ATRNL1: variants seen among roughly 807,000 people sequenced by gnomAD.
The protein encoded by ATRNL1 is attractin-like protein 1.
Under a neutral mutation model 182.7 loss-of-function variants are expected in ATRNL1, and 95 were observed. That is an observed-to-expected ratio of 0.52 (90% CI 0.44 to 0.62). The LOEUF (loss-of-function observed/expected upper bound fraction) is 0.62. ATRNL1 is among the 20% of genes least tolerant of loss of function. The pLI, the probability that ATRNL1 is intolerant of heterozygous loss-of-function variation, is 0.00. For missense variants in ATRNL1, 1,471 were observed against 1,679.5 expected (o/e 0.88, Z 2.17); for synonymous variants, 576 against 568.3 (o/e 1.01, Z -0.19).
chr10:115,437,161 G>A (rs1205567942), intron 21 of ATRNL1, among the ~76,000 whole-genome samples: 3 of 151,936 alleles, frequency 2.0e-5, no homozygotes, highest in Non-Finnish European at 4.4e-5. Flanking sequence ...TTCGTGACTA[G>A]AAAGAACATG....
chr10:115,702,580 A>G (rs1946772502), intron 26 of ATRNL1, among the ~76,000 whole-genome samples: 1 of 151,974 alleles, frequency 6.6e-6, no homozygotes, highest in Admixed American at 6.6e-5. Context: ...CTAATCAACA[A>G]CTTCAGCGAG....
intron 20 of ATRNL1, among the ~76,000 whole-genome samples, chr10:115,420,148 A>G (rs1845585907): frequency 6.6e-6 from 1 of 151,654 alleles, no homozygotes; most frequent in African/African-American, 2.4e-5. Context: ...GGTTCCAGCA[A>G]TTCTCCTGCC....
intron 12 of ATRNL1, 122 bp from the exon 13 acceptor site, chr10:115,268,204 G>T: frequency 3.1e-6 from 2 of 647,038 alleles, no homozygotes; most frequent in Non-Finnish European, 5.5e-6. Flanking sequence ...GAAATTGAAG[G>T]TCATTTCTTT....
chr10:115,314,256 C>T (rs528046764), intron 17 of ATRNL1, among the ~76,000 whole-genome samples: 1 of 152,222 alleles, frequency 6.6e-6, no homozygotes, highest in African/African-American at 2.4e-5. Flanking sequence ...GCATGAGATC[C>T]TTACCTCTCA....
At chr10:115,232,981 C>G (rs1554900370) in intron 9 of ATRNL1, among the ~76,000 whole-genome samples, 1 of 152,096 alleles carries the variant, frequency 6.6e-6, no homozygotes, top group East Asian at 1.9e-4. Context: ...CAGGGCCATT[C>G]CCTCTTGAAA....
Position 115,496,802 on chromosome 10 carries a change from C to T in ATRNL1, c.3655-22461C>T, listed in dbSNP as rs140760197. Among the ~76,000 whole-genome samples, 52 of 152,254 alleles carry T rather than the reference C, an allele frequency of 3.4e-4. No homozygotes were observed. The East Asian group carries it at 7.0e-3, about 20-fold the overall frequency. On this transcript the variant is annotated intron_variant, in intron 24 of 28. Coordinates refer to ENST00000355044, the MANE Select transcript of ATRNL1 (RefSeq NM_207303.4). ...GGGTTCCCTTTGTAGATGACCTGCCCCTTCTCTCTAGCTCCATTTAACATT... is the reference window on the plus strand; with the variant it reads ...GGGTTCCCTTTGTAGATGACCTGCCTCTTCTCTCTAGCTCCATTTAACATT...
intron 5 of ATRNL1, among the ~76,000 whole-genome samples, chr10:115,143,935 T>C (rs545970119): frequency 1.3e-5 from 2 of 152,140 alleles, no homozygotes; most frequent in East Asian, 3.9e-4. Context: ...ATATAAATTT[T>C]GAAGGGACAC....
intron 28 of ATRNL1, among the ~76,000 whole-genome samples, chr10:115,899,761 C>CT (rs1212682769): frequency 2.0e-5 from 3 of 152,144 alleles, no homozygotes; most frequent in African/African-American, 7.2e-5. Flanking sequence ...AGTTTTTCCA[C>CT]TTTCCTGTAT....
intron 21 of ATRNL1, among the ~76,000 whole-genome samples, chr10:115,443,921 T>G (rs1846829160): frequency 6.6e-6 from 1 of 152,082 alleles, no homozygotes; most frequent in African/African-American, 2.4e-5. Context: ...CCTATTTGAG[T>G]GTATGCAACT....
At chr10:115,394,093 C>T (rs982214170) in intron 19 of ATRNL1, among the ~76,000 whole-genome samples, 1 of 151,936 alleles carries the variant, frequency 6.6e-6, no homozygotes, top group Non-Finnish European at 1.5e-5. Context: ...TTTTATTATT[C>T]TTACCAGTAG....
At chr10:115,544,075 T>C (rs1554992896) in intron 25 of ATRNL1, among the ~76,000 whole-genome samples, 1 of 152,058 alleles carries the variant, frequency 6.6e-6, no homozygotes, top group Non-Finnish European at 1.5e-5. Flanking sequence ...TTTTGCATAA[T>C]GTGATAGGAA....
intron 26 of ATRNL1, among the ~76,000 whole-genome samples, chr10:115,598,619 C>A (rs1856416282): frequency 6.6e-6 from 1 of 151,828 alleles, no homozygotes; most frequent in Non-Finnish European, 1.5e-5. Context: ...GCCTCAGCCT[C>A]TCAAAGTAAA....
At chr10:115,703,499 T>C (rs2134000704) in intron 26 of ATRNL1, among the ~76,000 whole-genome samples, 1 of 151,932 alleles carries the variant, frequency 6.6e-6, no homozygotes, top group African/African-American at 2.4e-5. Flanking sequence ...ATGACAGTGG[T>C]TACCTCTGGA....
chr10:115,725,976 C>T (rs1177754341), intron 26 of ATRNL1, among the ~76,000 whole-genome samples: 1 of 152,142 alleles, frequency 6.6e-6, no homozygotes, highest in Non-Finnish European at 1.5e-5. Context: ...ATGTGATCTA[C>T]AAACTTAAAT....
chr10:115,370,295 A>G (rs781982108), intron 19 of ATRNL1, among the ~76,000 whole-genome samples: 1 of 152,234 alleles, frequency 6.6e-6, no homozygotes, highest in African/African-American at 2.4e-5. Context: ...CTGAAAAGAT[A>G]CCTGAAAATG....
chr10:115,247,609 T>C (rs1554904397), intron 10 of ATRNL1, among the ~76,000 whole-genome samples: 2 of 152,168 alleles, frequency 1.3e-5, no homozygotes, highest in South Asian at 2.1e-4. Flanking sequence ...TGGAGAATAG[T>C]ATGGAGGTTC....
rs1554924627 is a variant in ATRNL1, at chr10:115,301,912, G to A, written c.2687G>A (p.Cys896Tyr). 1 of 1,613,962 alleles carries A rather than the reference G, an allele frequency of 6.2e-7. No individual in the cohort carries two copies. The highest frequency in any genetic ancestry group is 8.5e-7 in the Non-Finnish European group (1 of 1,179,884). Reference protein sequence around the residue: ...CKKPCSLRTSCSNCTSNGMEC... With the variant: ...CKKPCSLRTSYSNCTSNGMEC... ...AAGCCATGCTCTCTGAGGACATCATGTTCCAACTGTACAAGCAATGGCATG... is the reference window on the plus strand; with the variant it reads ...AAGCCATGCTCTCTGAGGACATCATATTCCAACTGTACAAGCAATGGCATG... The change falls in exon 17 of 29, where the codon TGT becomes TAT. Residue 896 changes from cysteine to tyrosine, a missense_variant. Around this residue, in one of 3 missense-constraint regions of ATRNL1, gnomAD observed 1,031 missense variants for 1,156.0 expected, o/e 0.89. Coordinates refer to ENST00000355044, the MANE Select transcript of ATRNL1 (RefSeq NM_207303.4).
intron 21 of ATRNL1, among the ~76,000 whole-genome samples, chr10:115,435,685 G>A (rs1464152428): frequency 1.3e-5 from 2 of 152,038 alleles, no homozygotes; most frequent in African/African-American, 2.4e-5. Flanking sequence ...TCTCTCTCAA[G>A]TACTCTATCC....
At chr10:115,670,944 A>T (rs1295155206) in intron 26 of ATRNL1, among the ~76,000 whole-genome samples, 1 of 152,184 alleles carries the variant, frequency 6.6e-6, no homozygotes, top group Non-Finnish European at 1.5e-5. Context: ...AGAAATAAAA[A>T]GCAGTGTTAT....
Sources: allele counts gnomAD v4.1 joint callset (sites outside exome capture counted in the v4.1 genomes callset), GRCh38; gene constraint gnomAD v4.1.1; regional missense constraint gnomAD v4.1.1; transcripts MANE v1.5; gene names NCBI Gene and HGNC (gene_info 2026-07-23, HGNC 2026-07-21).